The following SLC24A2 variants were observed in gnomAD, a reference collection of about 807,000 sequenced individuals.
The protein encoded by SLC24A2 is solute carrier family 24 member 2.
A neutral mutation model predicts 62.0 loss-of-function variants in SLC24A2; 36 were observed. That is an observed-to-expected ratio of 0.58 (90% CI 0.44 to 0.77). The LOEUF is 0.77. Ranked by LOEUF, SLC24A2 falls within the 30% of genes least tolerant of loss-of-function variation. SLC24A2 has a pLI of 0.00. For synonymous variants in SLC24A2, 358 were observed against 294.0 expected (o/e 1.22, Z -2.23); for missense variants, 846 against 817.9 (o/e 1.03, Z -0.42).
chr9:20,184,503 C>T, the SLC24A2 span, among the ~76,000 whole-genome samples: 1 of 152,128 alleles, frequency 6.6e-6, no homozygotes, highest in East Asian at 1.9e-4. Context: ...GAGCTGAGAT[C>T]ACGCCACTGC....
the SLC24A2 span, among the ~76,000 whole-genome samples, chr9:20,213,232 C>G: frequency 1.3e-5 from 2 of 151,712 alleles, no homozygotes; most frequent in African/African-American, 4.9e-5. Flanking sequence ...TTAAAACACT[C>G]CTTTAAGCAA....
At chr9:20,185,664 C>CAAAAA in the SLC24A2 span, among the ~76,000 whole-genome samples, 2 of 90,734 alleles carry the variant, frequency 2.2e-5, no homozygotes, top group Non-Finnish European at 2.2e-5. Context: ...GACTCCATCT[C>CAAAAA]AAAAAAAAAA....
chr9:19,961,140 GGAGAGAGAGA>G, the SLC24A2 span, among the ~76,000 whole-genome samples: 44 of 138,582 alleles, frequency 3.2e-4, no homozygotes, highest in South Asian at 7.3e-3. Flanking sequence ...AGAAGAAAGG[GGAGAGAGAGA>G]GAGAGAGAGA....
the SLC24A2 span, among the ~76,000 whole-genome samples, chr9:20,264,179 C>T: frequency 6.6e-6 from 1 of 152,172 alleles, no homozygotes; most frequent in Non-Finnish European, 1.5e-5. Context: ...AAAGGAACAA[C>T]ACCTCTGTTG....
chr9:20,162,682 G>T, the SLC24A2 span, among the ~76,000 whole-genome samples: 1 of 151,968 alleles, frequency 6.6e-6, no homozygotes, highest in Non-Finnish European at 1.5e-5. Flanking sequence ...AACCAAAAAA[G>T]AGAATTTTAG....
At chr9:20,305,739 A>G in the SLC24A2 span, among the ~76,000 whole-genome samples, 1 of 152,334 alleles carries the variant, frequency 6.6e-6, no homozygotes, top group East Asian at 1.9e-4. Context: ...ATGTCAAGCA[A>G]TTAACCAAGA....
chr9:20,170,374 G>GT, the SLC24A2 span, among the ~76,000 whole-genome samples: 3 of 151,980 alleles, frequency 2.0e-5, no homozygotes, highest in African/African-American at 7.2e-5. Context: ...GAGACCAGGG[G>GT]TTTTTTATCT....
the SLC24A2 span, among the ~76,000 whole-genome samples, chr9:19,873,583 C>T: frequency 7.4e-6 from 1 of 135,270 alleles, no homozygotes; most frequent in African/African-American, 2.6e-5. Flanking sequence ...CTTTCCTTTC[C>T]TTCCCTTTCC....
At chr9:19,779,406 G>T (rs1822943513) in intron 2 of SLC24A2, among the ~76,000 whole-genome samples, 1 of 152,198 alleles carries the variant, frequency 6.6e-6, no homozygotes, top group Non-Finnish European at 1.5e-5. Context: ...TACATGGATG[G>T]TAGTCTTTCA....
the SLC24A2 span, among the ~76,000 whole-genome samples, chr9:20,107,682 A>G: frequency 1.3e-5 from 2 of 152,186 alleles, no homozygotes; most frequent in Non-Finnish European, 2.9e-5. Context: ...TACACCTTAT[A>G]CAAAAATTAA....
At chr9:19,997,059 A>T in the SLC24A2 span, among the ~76,000 whole-genome samples, 1 of 150,870 alleles carries the variant, frequency 6.6e-6, no homozygotes, top group Non-Finnish European at 1.5e-5. Context: ...CAAAAAAAGC[A>T]AACAATTTGC....
At position 19,669,669 on chromosome 9, in the gene SLC24A2, T is replaced by A. The variant is rs182308556; in HGVS notation, c.931-47370A>T. Reference sequence around the variant, plus strand: ...CACATTTCTTGGCCTGTGGCCTCTGTCCTCTATCTTCAAAACCAGCAACAG... The same window carrying A: ...CACATTTCTTGGCCTGTGGCCTCTGACCTCTATCTTCAAAACCAGCAACAG... On this transcript the variant is annotated intron_variant, in intron 2 of 10. Transcript: ENST00000341998. Among the ~76,000 whole-genome samples the A allele has an allele frequency of 6.4e-3, 971 of 152,252 alleles. 6 individuals are homozygous for A. The highest frequency in any genetic ancestry group is 9.6e-3 in the Non-Finnish European group (656 of 68,022).
At chr9:20,182,566 A>G in the SLC24A2 span, among the ~76,000 whole-genome samples, 1 of 152,206 alleles carries the variant, frequency 6.6e-6, no homozygotes, top group Non-Finnish European at 1.5e-5. Context: ...GTTATCACCC[A>G]TAAGTGGGAG....
chr9:20,180,312 C>T, the SLC24A2 span, among the ~76,000 whole-genome samples: 1 of 152,000 alleles, frequency 6.6e-6, no homozygotes, highest in Non-Finnish European at 1.5e-5. Context: ...TATTAATCAC[C>T]ATATAGATAT....
the SLC24A2 span, among the ~76,000 whole-genome samples, chr9:20,141,010 C>T: frequency 6.6e-6 from 1 of 152,126 alleles, no homozygotes; most frequent in Non-Finnish European, 1.5e-5. Context: ...TTTATCATCT[C>T]TCCTCTCCTC....
chr9:19,508,942 C>T lies in SLC24A2; in HGVS notation c.*7211G>A, dbSNP rs930550280. ...TAGCGGAGAGGAGGAAAATAACCAC[C>T]AAAGCATTATGAAATCTGCTGCTTT... On this transcript the variant is annotated 3_prime_UTR_variant, in exon 11 of 11. Coordinates refer to ENST00000341998, the MANE Select transcript of SLC24A2 (RefSeq NM_020344.4). 28 of 152,000 alleles carry T rather than the reference C, an allele frequency of 1.8e-4. No homozygotes were observed. The highest frequency in any genetic ancestry group is 6.5e-4 in the African/African-American group (27 of 41,360). The allele number at this position is 152,000 out of a possible 1,614,324, so 9.4% of individuals were successfully genotyped here.
At chr9:19,984,698 T>C in the SLC24A2 span, among the ~76,000 whole-genome samples, 1 of 152,152 alleles carries the variant, frequency 6.6e-6, no homozygotes, top group Non-Finnish European at 1.5e-5. Context: ...GGAGTGAGGC[T>C]CTGTCTCAAC....
chr9:19,968,910 T>C, the SLC24A2 span, among the ~76,000 whole-genome samples: 2 of 152,296 alleles, frequency 1.3e-5, no homozygotes, highest in East Asian at 3.9e-4. Context: ...TTTTTGAAAT[T>C]TAAACACAAT....
At chr9:19,700,424 T>C (rs1820322321) in intron 2 of SLC24A2, among the ~76,000 whole-genome samples, 2 of 152,222 alleles carry the variant, frequency 1.3e-5, no homozygotes, top group African/African-American at 4.8e-5. Context: ...TTTTAAAGCA[T>C]ATTATTTACT....
Sources: gnomAD v4.1 joint callset for allele counts (sites outside exome capture counted in the v4.1 genomes callset) on GRCh38, gnomAD v4.1.1 for gene constraint, MANE v1.5 for transcripts, NCBI Gene and HGNC (gene_info 2026-07-23, HGNC 2026-07-21) for gene names.